ST3GAL3: variants seen among roughly 807,000 people sequenced by gnomAD.
ST3GAL3 encodes the protein ST3 beta-galactoside alpha-2,3-sialyltransferase 3.
Under a neutral mutation model 50.1 loss-of-function variants are expected in ST3GAL3, and 21 were observed. That is an observed-to-expected ratio of 0.42 (90% CI 0.30 to 0.60). ST3GAL3 has a LOEUF of 0.60. Ranked by LOEUF, ST3GAL3 falls within the 20% of genes least tolerant of loss-of-function variation. ST3GAL3 has a pLI of 0.19. For synonymous variants in ST3GAL3, 183 were observed against 190.0 expected, an observed-to-expected ratio of 0.96 and a Z score of 0.30; for missense variants, 353 against 489.4, an observed-to-expected ratio of 0.72 and a Z score of 2.63.
In ST3GAL3 at chr1:43,894,435, A is replaced by G. The variant is rs2077081163; in HGVS notation, c.355A>G (p.Arg119Gly). 1.2e-6 allele frequency: 2 copies of G among 1,614,202 alleles called. No individual in the cohort carries two copies. The highest frequency in any genetic ancestry group is 1.7e-6 in the Non-Finnish European group (2 of 1,180,018). ...FLDDSFRKWA[R>G]IREFVPPFGI... ...GGATGACTCCTTTCGCAAGTGGGCT[A>G]GAATCCGGGAGTTCGTGCCGCCTTT... Residue 119 changes from arginine (R) to glycine (G), a missense_variant, in exon 6 of 12, where the codon AGA (arginine) becomes GGA (glycine). Arg to Gly is a moderately radical substitution (Grantham distance 125). Transcript: ENST00000347631.
At chr1:43,907,728 A>G (rs1456738658) in intron 9 of ST3GAL3, among the ~76,000 whole-genome samples, 1 of 151,920 alleles carries the variant, frequency 6.6e-6, no homozygotes, top group East Asian at 1.9e-4. Flanking sequence ...CCTTCTCAGG[A>G]CTGTCTTCAT....
At chr1:43,927,733 A>AT (rs1202146695) in intron 11 of ST3GAL3, among the ~76,000 whole-genome samples, 1 of 152,234 alleles carries the variant, frequency 6.6e-6, no homozygotes, top group Non-Finnish European at 1.5e-5. Flanking sequence ...TCTTCAAAGA[A>AT]TGGGGATGAG....
At chr1:43,791,808 GA>G (rs572649268) in intron 2 of ST3GAL3, among the ~76,000 whole-genome samples, 179 of 152,292 alleles carry the variant, frequency 1.2e-3, no homozygotes, top group African/African-American at 3.9e-3. Context: ...TTCACTAGAA[GA>G]AAGAAAAAGA....
At chr1:43,745,499 A>G (rs954813464) in intron 2 of ST3GAL3, among the ~76,000 whole-genome samples, 2 of 152,226 alleles carry the variant, frequency 1.3e-5, no homozygotes, top group Non-Finnish European at 2.9e-5. Context: ...TACTTAAATA[A>G]CACAACAAAA....
intron 2 of ST3GAL3, among the ~76,000 whole-genome samples, chr1:43,763,767 G>T (rs1225983999): frequency 6.6e-6 from 1 of 152,172 alleles, no homozygotes; most frequent in African/African-American, 2.4e-5. Flanking sequence ...ATCAGAGGAG[G>T]CAATGGAGGG....
intron 2 of ST3GAL3, among the ~76,000 whole-genome samples, chr1:43,778,648 T>TTC (rs1698199589): frequency 7.1e-6 from 1 of 141,200 alleles, no homozygotes; most frequent in Admixed American, 7.0e-5. Context: ...TTTTTTCTTT[T>TTC]TTTTTTTTTT....
chr1:43,840,437 A>G (rs1465811843), intron 5 of ST3GAL3: 1 of 152,096 alleles, frequency 6.6e-6, no homozygotes, highest in Non-Finnish European at 1.5e-5. Flanking sequence ...ACATACAGTC[A>G]TCCCTTCTCA....
At chr1:43,862,144 C>T (rs2070145653) in intron 5 of ST3GAL3, among the ~76,000 whole-genome samples, 1 of 152,212 alleles carries the variant, frequency 6.6e-6, no homozygotes, top group Non-Finnish European at 1.5e-5. Context: ...TGGCAGGCCT[C>T]TCCCCTCCAA....
intron 11 of ST3GAL3, chr1:43,922,599 G>C (rs1199237180): frequency 6.7e-6 from 1 of 148,168 alleles, no homozygotes; most frequent in Non-Finnish European, 1.5e-5. Context: ...TCAGGAGTTT[G>C]AGACCAGCCT....
At chr1:43,873,209 C>T (rs1369592697) in intron 5 of ST3GAL3, among the ~76,000 whole-genome samples, 1 of 152,072 alleles carries the variant, frequency 6.6e-6, no homozygotes, top group Non-Finnish European at 1.5e-5. Context: ...TGACCTGGAC[C>T]ACGGTGGAAG....
At chr1:43,910,191 GT>G (rs951314392) in intron 9 of ST3GAL3, among the ~76,000 whole-genome samples, 2 of 152,154 alleles carry the variant, frequency 1.3e-5, no homozygotes, top group Non-Finnish European at 2.9e-5. Context: ...TACCTAAGGG[GT>G]TTTTTTATGT....
intron 5 of ST3GAL3, chr1:43,858,439 C>T (rs1219564178): frequency 3.9e-6 from 3 of 769,606 alleles, no homozygotes; most frequent in East Asian, 7.1e-5. Flanking sequence ...TGAGAGCAGG[C>T]AGGCTGGCTG....
chr1:43,908,879 G>A (rs1351256379), intron 9 of ST3GAL3, among the ~76,000 whole-genome samples: 1 of 152,096 alleles, frequency 6.6e-6, no homozygotes. Flanking sequence ...TGATCTGCCT[G>A]CCTCAGCCTC....
At chr1:43,815,070 C>A in intron 4 of ST3GAL3, 137 bp downstream of exon 4, 1 of 901,512 alleles carries the variant, frequency 1.1e-6, no homozygotes, top group South Asian at 1.3e-5. Context: ...AGGCTGTCAG[C>A]AGAATCTTGG....
chr1:43,724,900 A>G (rs1305856005), intron 1 of ST3GAL3, among the ~76,000 whole-genome samples: 2 of 152,208 alleles, frequency 1.3e-5, no homozygotes, highest in Non-Finnish European at 2.9e-5. Flanking sequence ...AAACTCATTT[A>G]CCACAGTGAC....
chr1:43,859,980 C>A (rs1014189445), intron 5 of ST3GAL3, among the ~76,000 whole-genome samples: 2 of 152,208 alleles, frequency 1.3e-5, no homozygotes, highest in African/African-American at 4.8e-5. Flanking sequence ...CTGACCATCT[C>A]AAACCCCCTG....
intron 2 of ST3GAL3, among the ~76,000 whole-genome samples, chr1:43,762,435 G>A (rs187353857): frequency 1.4e-4 from 22 of 152,056 alleles, no homozygotes; most frequent in Admixed American, 1.2e-3. Flanking sequence ...GCTACTTGGC[G>A]AGTAGTCCAG....
intron 5 of ST3GAL3, among the ~76,000 whole-genome samples, chr1:43,891,580 G>A (rs990678372): frequency 4.0e-5 from 6 of 151,298 alleles, no homozygotes; most frequent in East Asian, 1.9e-4. Context: ...AAAAAAATAA[G>A]TAATAAATAA....
chr1:43,778,909 AGCGCTG>A (rs1698369251), intron 2 of ST3GAL3, among the ~76,000 whole-genome samples: 1 of 151,132 alleles, frequency 6.6e-6, no homozygotes, highest in South Asian at 2.1e-4. Flanking sequence ...GTCCTCCCAA[AGCGCTG>A]GGATTACAGG....
Sources: allele counts gnomAD v4.1 joint callset (sites outside exome capture counted in the v4.1 genomes callset), GRCh38; gene constraint gnomAD v4.1.1; transcripts MANE v1.5; gene names NCBI Gene and HGNC (gene_info 2026-07-23, HGNC 2026-07-21).